Variants in RPS6KC1 observed in about 807,000 individuals in gnomAD.
The protein encoded by RPS6KC1 is inactive ribosomal protein S6 kinase delta-1.
A neutral mutation model predicts 103.8 loss-of-function variants in RPS6KC1; 54 were observed. That is an observed-to-expected ratio of 0.52 (90% confidence interval 0.42 to 0.65). The LOEUF is 0.65. Among genes scored for constraint, RPS6KC1 ranks in the 30% least tolerant of loss-of-function variants. The pLI, the probability that RPS6KC1 is intolerant of heterozygous loss-of-function variation, is 0.00. For missense variants in RPS6KC1, 1,151 were observed against 1,253.8 expected (o/e 0.92, Z 1.24); for synonymous variants, 439 against 438.7 (o/e 1.00, Z -0.01).
chr1:213,256,233 A>G (rs1256674135), intron 12 of RPS6KC1, among the ~76,000 whole-genome samples: 1 of 152,178 alleles, frequency 6.6e-6, no homozygotes, highest in Admixed American at 6.5e-5. Context: ...GGCAAGAAAG[A>G]AAGTCAATGG....
chr1:213,096,179 T>A (rs1411415424), intron 3 of RPS6KC1, among the ~76,000 whole-genome samples: 3 of 152,220 alleles, frequency 2.0e-5, no homozygotes, highest in Non-Finnish European at 2.9e-5. Context: ...AGGAGTAGAC[T>A]CCTTCTCAAG....
At chr1:213,403,808 C>T in the RPS6KC1 span, among the ~76,000 whole-genome samples, 2 of 151,718 alleles carry the variant, frequency 1.3e-5, no homozygotes, top group African/African-American at 4.9e-5. Context: ...CACCATCACA[C>T]CCAAAATTAA....
chr1:213,140,631 A>G (rs1445633078), intron 6 of RPS6KC1, among the ~76,000 whole-genome samples: 1 of 152,016 alleles, frequency 6.6e-6, no homozygotes, highest in East Asian at 1.9e-4. Flanking sequence ...TTATGTGGTG[A>G]TCACATTTAT....
intron 4 of RPS6KC1, among the ~76,000 whole-genome samples, chr1:213,108,178 G>T (rs1328090870): frequency 6.6e-6 from 1 of 151,810 alleles, no homozygotes; most frequent in African/African-American, 2.4e-5. Flanking sequence ...GGAACTTTTC[G>T]AGTATCCCAA....
chr1:213,289,359 T>C, the RPS6KC1 span, among the ~76,000 whole-genome samples: 1 of 151,904 alleles, frequency 6.6e-6, no homozygotes, highest in Non-Finnish European at 1.5e-5. Flanking sequence ...AAGAGTTTTG[T>C]AAAGAAATTT....
At chr1:213,091,470 C>T (rs1488729407) in intron 3 of RPS6KC1, among the ~76,000 whole-genome samples, 1 of 152,114 alleles carries the variant, frequency 6.6e-6, no homozygotes, top group African/African-American at 2.4e-5. Context: ...GAATCAGAAC[C>T]CTGTAAATGA....
chr1:213,610,982 G>T, the RPS6KC1 span, among the ~76,000 whole-genome samples: 14 of 152,138 alleles, frequency 9.2e-5, no homozygotes, highest in Middle Eastern at 6.8e-3. Flanking sequence ...TTTTTTTGGG[G>T]GGTTGCATAT....
chr1:213,116,787 T>G (rs913631121), intron 4 of RPS6KC1, among the ~76,000 whole-genome samples: 11 of 151,724 alleles, frequency 7.3e-5, no homozygotes, highest in Admixed American at 3.9e-4. Flanking sequence ...GTCTGTAAAG[T>G]ATTTTATTTC....
At chr1:213,279,730 A>G (rs573612057), downstream of RPS6KC1, among the ~76,000 whole-genome samples, 4 of 152,332 alleles carry the variant, frequency 2.6e-5, no homozygotes, top group Admixed American at 6.5e-5. Flanking sequence ...TCAAGGGAAT[A>G]TGGATGATTT....
chr1:213,073,405 A>G (rs1304769149), intron 2 of RPS6KC1, among the ~76,000 whole-genome samples: 1 of 152,246 alleles, frequency 6.6e-6, no homozygotes, highest in African/African-American at 2.4e-5. Flanking sequence ...TTTCTTCCTA[A>G]GAATGCTAAA....
At chr1:213,756,496 G>T in the RPS6KC1 span, among the ~76,000 whole-genome samples, 57 of 152,270 alleles carry the variant, frequency 3.7e-4, no homozygotes, top group African/African-American at 1.2e-3. Flanking sequence ...TTGAAGGTTT[G>T]TGGCAACCCT....
the RPS6KC1 span, among the ~76,000 whole-genome samples, chr1:213,621,351 A>C: frequency 6.9e-6 from 1 of 145,464 alleles, no homozygotes; most frequent in African/African-American, 2.6e-5. Context: ...TGAGGCTAGG[A>C]GTTCATGTGT....
At chr1:213,368,551 T>G in the RPS6KC1 span, among the ~76,000 whole-genome samples, 1 of 152,176 alleles carries the variant, frequency 6.6e-6, no homozygotes, top group Non-Finnish European at 1.5e-5. Context: ...AGAGCTCAGA[T>G]TTTGCAAATT....
chr1:213,064,919 C>T lies in RPS6KC1; in HGVS notation c.106-6087C>T, dbSNP rs1173722325. On this transcript the variant is annotated intron_variant, in intron 1 of 14. Coordinates refer to ENST00000366960, the MANE Select transcript of RPS6KC1 (RefSeq NM_012424.6). ...CTTGATCTCCTGACCTTGTGATCCA[C>T]CCGCCTCGGCCTCCCAAAGTGCTGG... 1.7e-3 allele frequency among the ~76,000 whole-genome samples: 264 copies of T among 151,468 alleles called. 1 individual carries two copies. The highest frequency in any genetic ancestry group is 6.1e-3 in the African/African-American group (253 of 41,230).
At chr1:213,361,386 G>A in the RPS6KC1 span, among the ~76,000 whole-genome samples, 1 of 152,258 alleles carries the variant, frequency 6.6e-6, no homozygotes. Flanking sequence ...CTGGTGTGCT[G>A]TTTGCTAAGA....
At chr1:213,150,298 ATTTAT>A (rs2088527875) in intron 6 of RPS6KC1, among the ~76,000 whole-genome samples, 3 of 20,878 alleles carry the variant, frequency 1.4e-4, no homozygotes, top group African/African-American at 6.6e-4. Flanking sequence ...ATTATATGTT[ATTTAT>A]TTATTTATTT....
chr1:213,324,036 A>G, the RPS6KC1 span, among the ~76,000 whole-genome samples: 7 of 152,286 alleles, frequency 4.6e-5, no homozygotes, highest in East Asian at 1.3e-3. Context: ...TTATTATTTT[A>G]TTCATTCATT....
the RPS6KC1 span, among the ~76,000 whole-genome samples, chr1:213,357,982 GC>G: frequency 2.6e-5 from 4 of 152,174 alleles, no homozygotes; most frequent in South Asian, 8.3e-4. Flanking sequence ...CAGGGATGAA[GC>G]CCACTTGATC....
the RPS6KC1 span, among the ~76,000 whole-genome samples, chr1:213,376,965 A>T: frequency 1.3e-5 from 2 of 152,312 alleles, no homozygotes; most frequent in South Asian, 2.1e-4. Context: ...TTGGCTTCTC[A>T]ATCTGTGTAA....
Sources: gnomAD v4.1 joint callset for allele counts (sites outside exome capture counted in the v4.1 genomes callset) on GRCh38, gnomAD v4.1.1 for gene constraint, MANE v1.5 for transcripts, NCBI Gene and HGNC (gene_info 2026-07-23, HGNC 2026-07-21) for gene names.